POLN: variants seen among roughly 807,000 people sequenced by gnomAD.
POLN encodes DNA polymerase nu, also known as DNA polymerase N.
A neutral mutation model predicts 113.5 loss-of-function variants in POLN; 108 were observed. That is an observed-to-expected ratio of 0.95 (90% CI 0.81 to 1.12). POLN has a LOEUF of 1.12. Among genes scored for constraint, POLN ranks in the 50% most tolerant of loss-of-function variants. POLN has a pLI of 0.00. For synonymous variants in POLN, 386 were observed against 391.5 expected, an observed-to-expected ratio of 0.99 and a Z score of 0.17; for missense variants, 1,097 against 1,077.1, an observed-to-expected ratio of 1.02 and a Z score of -0.26.
chr4:2,241,581 C>G lies in POLN; in HGVS notation c.-74G>C, dbSNP rs1030792705. On this transcript the variant is annotated 5_prime_UTR_variant, in exon 2 of 26. Coordinates refer to ENST00000511885, the MANE Select transcript of POLN (RefSeq NM_181808.4). ...TCCACCACCGCGACGCGGAGAACAG[C>G]AGGAGCAGCAGGGAAGCGCGCGGCC... 2 of 985,632 alleles carry G rather than the reference C, an allele frequency of 2.0e-6. No homozygotes were observed. The highest frequency in any genetic ancestry group is 3.5e-5 in the African/African-American group (2 of 57,246). The allele number at this position is 985,632 out of a possible 1,614,324, so 61.1% of individuals were successfully genotyped here.
At chr4:2,232,338 T>C (rs1361734127) in intron 2 of POLN, among the ~76,000 whole-genome samples, 4 of 152,192 alleles carry the variant, frequency 2.6e-5, no homozygotes, top group Admixed American at 2.0e-4. Flanking sequence ...CTAAGTAAGA[T>C]TAATTGCAAC....
chr4:2,130,177 C>T (rs1234872091), intron 17 of POLN, among the ~76,000 whole-genome samples: 2 of 151,604 alleles, frequency 1.3e-5, no homozygotes, highest in African/African-American at 2.4e-5. Context: ...ACCCAGGAGG[C>T]GGAGGATGCA....
intron 2 of POLN, chr4:2,240,352 A>C (rs1043080692): frequency 2.5e-6 from 4 of 1,601,708 alleles, no homozygotes; most frequent in Non-Finnish European, 3.4e-6. Context: ...TTTTCCAAGG[A>C]AAATTGCGAT....
At chr4:2,194,092 C>T (rs1173641844) in intron 6 of POLN, among the ~76,000 whole-genome samples, 1 of 152,224 alleles carries the variant, frequency 6.6e-6, no homozygotes, top group Non-Finnish European at 1.5e-5. Context: ...AACCTCATCA[C>T]TATCCTATCT....
Position 2,208,369 on chromosome 4 carries a change from G to C in POLN, c.332C>G (p.Ser111Ter). ...SADQKQKSIS[S>*]LTLSSCLIPQ... ...AATTAAACAACTTGAAAGAGTCAATGAGCTGATGCTCTTCTGTTTTTGGTC... is the reference window on the plus strand; with the variant it reads ...AATTAAACAACTTGAAAGAGTCAATCAGCTGATGCTCTTCTGTTTTTGGTC... Residue 111 changes from serine (S) to a stop codon, truncating the protein, a stop_gained, in exon 5 of 26, where the codon TCA (serine) becomes TGA (stop). Coordinates refer to ENST00000511885, the MANE Select transcript of POLN (RefSeq NM_181808.4). LOFTEE classifies it high-confidence loss of function. 1 of 1,613,556 alleles carries C rather than the reference G, an allele frequency of 6.2e-7. No homozygotes were observed. Among genetic ancestry groups the C allele is most frequent in the Non-Finnish European group, 8.5e-7 (1 of 1,179,924 alleles).
rs540683207 is a variant in POLN at position 2,076,079 on chromosome 4, C to T, written c.2388-560G>A. Among the ~76,000 whole-genome samples, 10 of 152,318 alleles carry T rather than the reference C, an allele frequency of 6.6e-5. No individual in the cohort carries two copies. In the South Asian group the frequency reaches 1.9e-3, roughly 28 times the overall value. ...GCCCCAGCCAAGCCCCACCCTTCCC[C>T]AGCCTCCTTCATGGAGCCCCTCAGG... On this transcript the variant is annotated intron_variant, in intron 23 of 25. Coordinates refer to ENST00000511885, the MANE Select transcript of POLN (RefSeq NM_181808.4).
At chr4:2,128,683 A>G (rs1045715213) in intron 18 of POLN, among the ~76,000 whole-genome samples, 3 of 152,204 alleles carry the variant, frequency 2.0e-5, no homozygotes, top group Non-Finnish European at 4.4e-5. Context: ...GCAGGGCCAA[A>G]GGTATCTGGG....
In POLN at chr4:2,240,178, C is replaced by T. The variant is rs764408186; in HGVS notation, c.-13+1342G>A. On this transcript the variant is annotated intron_variant, in intron 2 of 25. Transcript: ENST00000511885. ...AGTCTAGCCATCTCTAGTCGTCTCT[C>T]CTCAAGGATTTCTTGATTATCACAA... The T allele has an allele frequency of 6.2e-7, 1 of 1,614,042 alleles. No individual in the cohort carries two copies. The highest frequency in any genetic ancestry group is 1.7e-5 in the Admixed American group (1 of 60,018).
Position 2,163,027 on chromosome 4 carries a change from CAAAAAAAA to C in POLN, c.1555-3824_1555-3817del, listed in dbSNP as rs66769262. Among the ~76,000 whole-genome samples the C allele has an allele frequency of 6.3e-3, 420 of 66,572 alleles. 6 individuals carry two copies. Among genetic ancestry groups the C allele is most frequent in the African/African-American group, 0.021 (390 of 18,172 alleles). 43.7% of individuals were successfully genotyped at this position (66,572 alleles called of 152,430 possible). ...TGAGAATCAATTTTTCAGTTCCTAC[CAAAAAAAA>C]AAAAAAAAAAAAAAAACTCCTGCCA... On this transcript the variant is annotated intron_variant, in intron 13 of 25. Coordinates refer to ENST00000511885, the MANE Select transcript of POLN (RefSeq NM_181808.4).
chr4:2,138,795 G>A (rs193111885), intron 16 of POLN, among the ~76,000 whole-genome samples: 3 of 152,060 alleles, frequency 2.0e-5, no homozygotes, highest in South Asian at 2.1e-4. Context: ...CCAGCTACTC[G>A]GGAGGCTGAG....
chr4:2,208,548 A>C (rs762515110), intron 4 of POLN, 61 bp from the exon 5 acceptor site: 21 of 1,343,112 alleles, frequency 1.6e-5, no homozygotes, highest in Non-Finnish European at 1.9e-5. Context: ...TCTATAAACT[A>C]AACTAATTTC....
intron 23 of POLN, chr4:2,076,341 G>A (rs2108686887): frequency 6.6e-6 from 1 of 152,640 alleles, no homozygotes; most frequent in African/African-American, 2.4e-5. Flanking sequence ...ATGCTCCTTG[G>A]AAACGGGTGA....
At chr4:2,142,813 T>A (rs1408091961) in intron 16 of POLN, among the ~76,000 whole-genome samples, 1 of 152,002 alleles carries the variant, frequency 6.6e-6, no homozygotes, top group South Asian at 2.1e-4. Flanking sequence ...AAACCCGTGA[T>A]TGTGGTTTTT....
At chr4:2,221,375 C>A (rs904819080) in intron 3 of POLN, among the ~76,000 whole-genome samples, 11 of 152,288 alleles carry the variant, frequency 7.2e-5, no homozygotes, top group Admixed American at 1.3e-4. Flanking sequence ...AGGGAAAAGT[C>A]AAGGTGGGAA....
chr4:2,125,987 A>C (rs1731569327), intron 19 of POLN, among the ~76,000 whole-genome samples: 1 of 152,188 alleles, frequency 6.6e-6, no homozygotes. Flanking sequence ...GGACAGGGTC[A>C]CAGAGGGTAA....
At position 2,157,879 on chromosome 4, in the gene POLN, T is replaced by C. The variant is rs1318316890; in HGVS notation, c.1644A>G (p.Gly548=). ...VHKIKSTFVD[G]LLACMKKGSI... ...TTACCTTTTTCATGCAAGCTAGTAA[T>C]CCATCTACAAAGGTTGACTTGATCT... The change falls in exon 15 of 26, where the codon GGA becomes GGG. Residue 548 remains glycine (G), a synonymous_variant. Coordinates refer to ENST00000511885, the MANE Select transcript of POLN (RefSeq NM_181808.4). 2 of 1,608,638 alleles carry C rather than the reference T, an allele frequency of 1.2e-6. No homozygotes were observed. Among genetic ancestry groups the C allele is most frequent in the South Asian group, 1.1e-5 (1 of 90,744 alleles).
rs532363527 is a variant in POLN at position 2,093,259 on chromosome 4, G to A, written c.2065+2592C>T. 5.3e-5 allele frequency among the ~76,000 whole-genome samples: 8 copies of A among 152,320 alleles called. No homozygotes were observed. The highest frequency in any genetic ancestry group is 1.9e-4 in the African/African-American group (8 of 41,572). On this transcript the variant is annotated intron_variant, in intron 20 of 25. Transcript: ENST00000511885. This position sits in a 1 kb window ranked among gnomAD's most constrained non-coding sequence, Gnocchi z 4.1. ...ATCCCTCCCTCCTAGCTGGATTTGG[G>A]GTGGCTGCCCCCACTGGGGACAAGG... is the stretch of plus-strand genomic sequence containing the variant.
At chr4:2,182,143 A>AT (rs1733159220) in intron 7 of POLN, among the ~76,000 whole-genome samples, 1 of 152,224 alleles carries the variant, frequency 6.6e-6, no homozygotes, top group Non-Finnish European at 1.5e-5. Flanking sequence ...TGGTTGATTG[A>AT]TTTTCAACAA....
intron 19 of POLN, among the ~76,000 whole-genome samples, chr4:2,125,744 C>G (rs1731562583): frequency 6.6e-6 from 1 of 152,136 alleles, no homozygotes; most frequent in Non-Finnish European, 1.5e-5. Context: ...TGCGACCTTT[C>G]CTGAGTGCCC....
Sources: gnomAD v4.1 joint callset for allele counts (sites outside exome capture counted in the v4.1 genomes callset) on GRCh38, gnomAD v4.1.1 for gene constraint, Gnocchi (gnomAD v3.1) non-coding constraint, MANE v1.5 for transcripts, NCBI Gene and HGNC (gene_info 2026-07-23, HGNC 2026-07-21) for gene names.